Variants in SYDE1 observed in about 807,000 individuals in gnomAD.
SYDE1 encodes rho GTPase-activating protein SYDE1.
A neutral mutation model predicts 63.3 loss-of-function variants in SYDE1; 34 were observed. The ratio of observed to expected loss-of-function variants is 0.54; its 90% confidence interval spans 0.41 to 0.71. The LOEUF (loss-of-function observed/expected upper bound fraction) is 0.71, where lower values mean the gene tolerates loss of function less well. Ranked by LOEUF, SYDE1 falls within the 30% of genes least tolerant of loss-of-function variation. The probability of loss-of-function intolerance (pLI) is 0.00; values close to 1 mark genes in which losing one functional copy is unlikely to be tolerated. For missense variants in SYDE1, 925 were observed against 1,042.5 expected, an observed-to-expected ratio of 0.89 and a Z score of 1.55; for synonymous variants, 467 against 473.4, an observed-to-expected ratio of 0.99 and a Z score of 0.18.
chr19:15,109,741 C>A lies in SYDE1; in HGVS notation c.468C>A (p.Arg156=). Residue 156 remains arginine, a synonymous_variant, in exon 3 of 8, where the codon CGC becomes CGA. Transcript: ENST00000342784. The surrounding 1 kb of genome is among the most constrained non-coding windows in gnomAD (Gnocchi z 5.0). ...APASPPTKAS[R]TKSPGPARRL... is the part of the protein sequence containing the mutation. ...CCAGCCCCCCAACCAAAGCCTCCCGCACCAAGTCCCCGGGCCCCGCCAGGC... is the reference window on the plus strand; with the variant it reads ...CCAGCCCCCCAACCAAAGCCTCCCGAACCAAGTCCCCGGGCCCCGCCAGGC... 6.5e-7 allele frequency: 1 copy of A among 1,534,198 alleles called. No homozygotes were observed. The highest frequency in any genetic ancestry group is 1.4e-5 in the African/African-American group (1 of 72,514).
Position 15,113,831 on chromosome 19 carries a change from G to T in SYDE1, c.2076G>T (p.Glu692Asp), listed in dbSNP as rs1346525175. 1.2e-6 allele frequency: 2 copies of T among 1,614,064 alleles called. No homozygotes were observed. Among genetic ancestry groups the T allele is most frequent in the Non-Finnish European group, 1.7e-6 (2 of 1,180,038 alleles). Residue 692 changes from glutamate (E) to aspartate (D), a missense_variant, in exon 8 of 8, where the codon GAG (glutamate) becomes GAT (aspartate). This residue lies in a region of SYDE1 where 255 missense variants were observed against 255.9 expected (regional missense o/e 1.00). Transcript: ENST00000342784. ...DSEDEDEEVG[E>D]PRVTGDFEDD... ...AGGACGAGGACGAGGAGGTCGGCGA[G>T]CCGAGGGTCACCGGTGACTTCGAAG...
In SYDE1 at chr19:15,114,881, C is replaced by A; in HGVS notation, c.*918C>A. Reference sequence around the variant, plus strand: ...CCCCAATAATGGTGCCTCAGTGGGCCCCAGAGTTCCAGTGGGAGAGTACGG... The same window carrying A: ...CCCCAATAATGGTGCCTCAGTGGGCACCAGAGTTCCAGTGGGAGAGTACGG... On this transcript the variant is annotated 3_prime_UTR_variant, in exon 8 of 8. Coordinates refer to ENST00000342784, the MANE Select transcript of SYDE1 (RefSeq NM_033025.6). The A allele has an allele frequency of 3.1e-6, 1 of 325,216 alleles. No individual in the cohort carries two copies. The highest frequency in any genetic ancestry group is 7.8e-5 in the East Asian group (1 of 12,778). The allele number at this position is 325,216 out of a possible 1,614,324, so 20.1% of individuals were successfully genotyped here.
chr19:15,110,352 G>C lies in SYDE1; in HGVS notation c.1075+4G>C, dbSNP rs2046336639. The C allele has an allele frequency of 3.5e-6, 5 of 1,434,130 alleles. No individual in the cohort carries two copies. The Admixed American group carries it at 1.1e-4, about 32-fold the overall frequency. 88.8% of individuals were successfully genotyped at this position (1,434,130 alleles called of 1,614,324 possible). A position where few individuals can be genotyped will look rare whatever the true frequency, so the allele number is the denominator to read the frequency against. ...CTGCTGCCCACGGTCTTCCGAGGTAGGACATGCGGCTGCAGGGGAGGAGGG... is the reference window on the plus strand; with the variant it reads ...CTGCTGCCCACGGTCTTCCGAGGTACGACATGCGGCTGCAGGGGAGGAGGG... On this transcript the variant is annotated splice_donor_region_variant and intron_variant, in intron 3 of 7. Coordinates refer to ENST00000342784, the MANE Select transcript of SYDE1 (RefSeq NM_033025.6). This position sits in a 1 kb window ranked among gnomAD's most constrained non-coding sequence, Gnocchi z 6.9.
intron 7 of SYDE1, among the ~76,000 whole-genome samples, chr19:15,113,000 G>A (rs2046355049): frequency 6.6e-6 from 1 of 152,044 alleles, no homozygotes; most frequent in Non-Finnish European, 1.5e-5. Context: ...TGCCTCCCAG[G>A]TTCAAGGGAT....
rs12359 is a variant in SYDE1 at position 15,114,445 on chromosome 19, G to C, written c.*482G>C. ...GACACAAAGACTAGCATGAGGCACT[G>C]TTTGTGGGGGGCAGCCCCTATCCTG... On this transcript the variant is annotated 3_prime_UTR_variant, in exon 8 of 8. Coordinates refer to ENST00000342784, the MANE Select transcript of SYDE1 (RefSeq NM_033025.6). 0.57 allele frequency: 91,162 copies of C among 160,216 alleles called. 27,818 individuals carry two copies. The highest frequency in any genetic ancestry group is 0.69 in the Non-Finnish European group (50,380 of 72,812). 9.9% of individuals were successfully genotyped at this position (160,216 alleles called of 1,614,324 possible).
Position 15,109,297 on chromosome 19 carries a change from C to A in SYDE1, c.330C>A (p.Ile110=), listed in dbSNP as rs2046326183. 1 of 1,613,568 alleles carries A rather than the reference C, an allele frequency of 6.2e-7. No individual in the cohort carries two copies. The highest frequency in any genetic ancestry group is 1.1e-5 in the South Asian group (1 of 91,030). The stretch of plus-strand genomic sequence containing the variant: ...GCACTGGGGAGCCCGCCGGCGAGAT[C>A]TGGTACAACCCCATCCCTGAGGAAG... ...VPGTGEPAGE[I]WYNPIPEEDP... The change falls in exon 2 of 8, where the codon ATC becomes ATA. Residue 110 remains isoleucine (I), a synonymous_variant. Transcript: ENST00000342784. This position sits in a 1 kb window ranked among gnomAD's most constrained non-coding sequence, Gnocchi z 5.0.
rs1033805589 is a variant in SYDE1 at position 15,114,622 on chromosome 19, C to A, written c.*659C>A. 7.0e-5 allele frequency: 6 copies of A among 85,872 alleles called. No homozygotes were observed. Among genetic ancestry groups the A allele is most frequent in the Admixed American group, 5.4e-4 (4 of 7,414 alleles). 5.3% of individuals were successfully genotyped at this position (85,872 alleles called of 1,614,324 possible). A position where few individuals can be genotyped will look rare whatever the true frequency, so the allele number is the denominator to read the frequency against. On this transcript the variant is annotated 3_prime_UTR_variant, in exon 8 of 8. Transcript: ENST00000342784. ...TTCCAATCCCCATCTCCTTGCCCCC[C>A]CCTTGCCCCCCCCCCCGAAAAAAAT...
chr19:15,111,744 CACT>C lies in SYDE1; in HGVS notation c.1531_1533del (p.Thr511del), dbSNP rs776881144. On this transcript the variant is annotated inframe_deletion, in exon 6 of 8. Coordinates refer to ENST00000342784, the MANE Select transcript of SYDE1 (RefSeq NM_033025.6). The surrounding 1 kb of genome is among the most constrained non-coding windows in gnomAD (Gnocchi z 5.5). ...ACCCCCCAAACAGAGTTCCCCCCAC[CACT>C]GAGGGCACCCGAGGGCTCCTCAGCT... 16 of 1,608,606 alleles carry C rather than the reference CACT, an allele frequency of 9.9e-6. No individual in the cohort carries two copies. The highest frequency in any genetic ancestry group is 1.7e-5 in the Admixed American group (1 of 59,390).
Position 15,110,828 on chromosome 19 carries a change from G to C in SYDE1, c.1290+93G>C. ...TACAGATGCCAGACCCCTACCCCCA[G>C]GCCTGAGCCACTCCTAGCTCCAATC... is the stretch of plus-strand genomic sequence containing the variant. On this transcript the variant is annotated intron_variant, in intron 4 of 7. Coordinates refer to ENST00000342784, the MANE Select transcript of SYDE1 (RefSeq NM_033025.6). This position sits in a 1 kb window ranked among gnomAD's most constrained non-coding sequence, Gnocchi z 6.9. The C allele has an allele frequency of 8.7e-7, 1 of 1,149,676 alleles. No individual in the cohort carries two copies. 71.2% of individuals were successfully genotyped at this position (1,149,676 alleles called of 1,614,324 possible).
Position 15,109,512 on chromosome 19 carries a change from C to T in SYDE1, c.430+115C>T. 3.1e-6 allele frequency: 4 copies of T among 1,270,758 alleles called. No individual in the cohort carries two copies. The highest frequency in any genetic ancestry group is 4.3e-6 in the Non-Finnish European group (4 of 940,504). The allele number at this position is 1,270,758 out of a possible 1,614,324, so 78.7% of individuals were successfully genotyped here. On this transcript the variant is annotated intron_variant, in intron 2 of 7. Coordinates refer to ENST00000342784, the MANE Select transcript of SYDE1 (RefSeq NM_033025.6). The surrounding 1 kb of genome is among the most constrained non-coding windows in gnomAD (Gnocchi z 5.0). Reference sequence around the variant, plus strand: ...CTCCCAGAGGAGCACCAACCTCACACTCCTTCCCTTCAGGGGAGCACCAGC... The same window carrying T: ...CTCCCAGAGGAGCACCAACCTCACATTCCTTCCCTTCAGGGGAGCACCAGC...
In SYDE1 at chr19:15,111,617, A is replaced by T; in HGVS notation, c.1418-15A>T. On this transcript the variant is annotated splice_polypyrimidine_tract_variant and intron_variant, in intron 5 of 7. Coordinates refer to ENST00000342784, the MANE Select transcript of SYDE1 (RefSeq NM_033025.6). The surrounding 1 kb of genome is among the most constrained non-coding windows in gnomAD (Gnocchi z 5.5). Reference sequence around the variant, plus strand: ...GCCAGTGGTGCCCTGACCAGAGGGGACCCTGTGTTCACAGGCATCCTCAAG... The same window carrying T: ...GCCAGTGGTGCCCTGACCAGAGGGGTCCCTGTGTTCACAGGCATCCTCAAG... 1 of 1,613,040 alleles carries T rather than the reference A, an allele frequency of 6.2e-7. No individual in the cohort carries two copies. The highest frequency in any genetic ancestry group is 8.5e-7 in the Non-Finnish European group (1 of 1,179,766).
rs889775512 is a variant in SYDE1 at position 15,108,252 on chromosome 19, G to C, written c.88+731G>C. Among the ~76,000 whole-genome samples, 10 of 152,126 alleles carry C rather than the reference G, an allele frequency of 6.6e-5. No homozygotes were observed. Among genetic ancestry groups the C allele is most frequent in the Admixed American group, 4.6e-4 (7 of 15,278 alleles). On this transcript the variant is annotated intron_variant, in intron 1 of 7. Transcript: ENST00000342784. The surrounding 1 kb of genome is among the most constrained non-coding windows in gnomAD (Gnocchi z 4.3). ...GGGACCCAGGAAGGAAGGAGTTAAA[G>C]GAGGAAGGCCAGACCATTCCATGGA...
Position 15,110,177 on chromosome 19 carries a change from C to G in SYDE1, c.904C>G (p.Arg302Gly), listed in dbSNP as rs923131494. The change falls in exon 3 of 8, where the codon CGA (arginine) becomes GGA (glycine). Residue 302 changes from arginine (R) to glycine (G), a missense_variant. Around this residue, in one of 3 missense-constraint regions of SYDE1, gnomAD observed 599 missense variants for 653.7 expected, o/e 0.92. Transcript: ENST00000342784. This position sits in a 1 kb window ranked among gnomAD's most constrained non-coding sequence, Gnocchi z 6.9. ...LLQVDGEARARTGPLRGGPDF... is the reference protein window; with the variant it reads ...LLQVDGEARAGTGPLRGGPDF... Reference sequence around the variant, plus strand: ...GCAAGTGGATGGGGAGGCCAGGGCCCGAACAGGGCCACTGCGAGGGGGGCC... The same window carrying G: ...GCAAGTGGATGGGGAGGCCAGGGCCGGAACAGGGCCACTGCGAGGGGGGCC... 14 of 1,409,070 alleles carry G rather than the reference C, an allele frequency of 9.9e-6. No homozygotes were observed. Among genetic ancestry groups the G allele is most frequent in the South Asian group, 9.6e-5 (6 of 62,494 alleles). 87.3% of individuals were successfully genotyped at this position (1,409,070 alleles called of 1,614,324 possible).
rs751860303 is a variant in SYDE1 at position 15,113,726 on chromosome 19, TTGCGGGCGGGACTTCCTGCCC to T, written c.1974_1994del (p.Pro664_Leu670del). On this transcript the variant is annotated inframe_deletion, in exon 8 of 8. Coordinates refer to ENST00000342784, the MANE Select transcript of SYDE1 (RefSeq NM_033025.6). Reference sequence around the variant, plus strand: ...ACCGCTACGCCGGCGACTGGAGCGTTTGCGGGCGGGACTTCCTGCCCTGTGGGCGGGATTTCCTGTCCGGGC... The same window carrying T: ...ACCGCTACGCCGGCGACTGGAGCGTTTGTGGGCGGGATTTCCTGTCCGGGC... 14 of 1,613,574 alleles carry T rather than the reference TTGCGGGCGGGACTTCCTGCCC, an allele frequency of 8.7e-6. No individual in the cohort carries two copies. In the East Asian group the frequency reaches 3.1e-4, roughly 36 times the overall value.
Position 15,113,691 on chromosome 19 carries a change from C to G in SYDE1, c.1936C>G (p.Pro646Ala), listed in dbSNP as rs753045477. ...CCGCGGTCGAGGAGGCCCCGAAAGCCCCCCGAGCAACCGCTACGCCGGCGA... is the reference window on the plus strand; with the variant it reads ...CCGCGGTCGAGGAGGCCCCGAAAGCGCCCCGAGCAACCGCTACGCCGGCGA... ...RPRGRGGPES[P>A]PSNRYAGDWS... is the part of the protein sequence containing the mutation. The change falls in exon 8 of 8, where the codon CCC becomes GCC. Residue 646 changes from proline (P) to alanine (A), a missense_variant. Coordinates refer to ENST00000342784, the MANE Select transcript of SYDE1 (RefSeq NM_033025.6). The G allele has an allele frequency of 1.9e-6, 3 of 1,613,294 alleles. No individual in the cohort carries two copies. Among genetic ancestry groups the G allele is most frequent in the Non-Finnish European group, 2.5e-6 (3 of 1,179,844 alleles).
In SYDE1 at chr19:15,109,537, C is replaced by A; in HGVS notation, c.430+140C>A. 1 of 1,080,930 alleles carries A rather than the reference C, an allele frequency of 9.3e-7. No homozygotes were observed. Among genetic ancestry groups the A allele is most frequent in the Non-Finnish European group, 1.3e-6 (1 of 771,254 alleles). 67.0% of individuals were successfully genotyped at this position (1,080,930 alleles called of 1,614,324 possible). On this transcript the variant is annotated intron_variant, in intron 2 of 7. Coordinates refer to ENST00000342784, the MANE Select transcript of SYDE1 (RefSeq NM_033025.6). The surrounding 1 kb of genome is among the most constrained non-coding windows in gnomAD (Gnocchi z 5.0). ...CTCCTTCCCTTCAGGGGAGCACCAG[C>A]CTCACATCCCCACCCCGTCAGATGC...
In SYDE1 at chr19:15,113,811, G is replaced by A; in HGVS notation, c.2056G>A (p.Glu686Lys). ...CGTGACGGGCAGTGACAGCGAGGAC[G>A]AGGACGAGGAGGTCGGCGAGCCGAG... Reference protein sequence around the residue: ...DHVTGSDSEDEDEEVGEPRVT... With the variant: ...DHVTGSDSEDKDEEVGEPRVT... The change falls in exon 8 of 8, where the codon GAG (glutamate) becomes AAG (lysine). Residue 686 changes from glutamate (E) to lysine (K), a missense_variant. Transcript: ENST00000342784. The A allele has an allele frequency of 1.9e-6, 3 of 1,614,152 alleles. No homozygotes were observed. Among genetic ancestry groups the A allele is most frequent in the Non-Finnish European group, 1.7e-6 (2 of 1,180,054 alleles).
Position 15,114,899 on chromosome 19 carries a change from G to A in SYDE1, c.*936G>A, listed in dbSNP as rs2046375686. The A allele has an allele frequency of 5.8e-6, 2 of 343,082 alleles. No homozygotes were observed. Among genetic ancestry groups the A allele is most frequent in the African/African-American group, 2.1e-5 (1 of 47,420 alleles). The allele number at this position is 343,082 out of a possible 1,614,324, so 21.3% of individuals were successfully genotyped here. On this transcript the variant is annotated 3_prime_UTR_variant, in exon 8 of 8. Coordinates refer to ENST00000342784, the MANE Select transcript of SYDE1 (RefSeq NM_033025.6). ...AGTGGGCCCCAGAGTTCCAGTGGGA[G>A]AGTACGGTTCCCTCCTGTCTCCCTC...
chr19:15,107,874 G>A (rs2046317485), intron 1 of SYDE1, among the ~76,000 whole-genome samples: 2 of 152,102 alleles, frequency 1.3e-5, no homozygotes, highest in African/African-American at 4.8e-5. Flanking sequence ...CAGTCGGGCT[G>A]GGCAAGGGGC....
Sources: allele counts gnomAD v4.1 joint callset (sites outside exome capture counted in the v4.1 genomes callset), GRCh38; gene constraint gnomAD v4.1.1; regional missense constraint gnomAD v4.1.1; non-coding constraint Gnocchi (gnomAD v3.1); transcripts MANE v1.5; gene names NCBI Gene and HGNC (gene_info 2026-07-23, HGNC 2026-07-21).